Variants in PMP22 observed in about 807,000 individuals in gnomAD.
PMP22 encodes peripheral myelin protein 22.
A neutral mutation model predicts 18.9 loss-of-function variants in PMP22; 2 were observed. The ratio of observed to expected loss-of-function variants is 0.11; its 90% confidence interval spans 0.04 to 0.33. The LOEUF (loss-of-function observed/expected upper bound fraction) is 0.33, where lower values mean the gene tolerates loss of function less well. Among genes scored for constraint, PMP22 ranks in the 10% least tolerant of loss-of-function variants. The pLI is 1.00. For synonymous variants in PMP22, 95 were observed against 89.2 expected, an observed-to-expected ratio of 1.07 and a Z score of -0.37; for missense variants, 169 against 202.2, an observed-to-expected ratio of 0.84 and a Z score of 1.00.
chr17:15,241,138 A>G (rs1399707057), intron 3 of PMP22, among the ~76,000 whole-genome samples: 1 of 152,016 alleles, frequency 6.6e-6, no homozygotes, highest in East Asian at 1.9e-4. Flanking sequence ...CTAGTCTAGC[A>G]CTCTTCACAT....
intron 3 of PMP22, among the ~76,000 whole-genome samples, chr17:15,248,897 T>C (rs1343928780): frequency 6.6e-6 from 1 of 152,184 alleles, no homozygotes; most frequent in African/African-American, 2.4e-5. Context: ...AGTTTGGCCA[T>C]AGAAAATGAC....
rs59075019 is a variant in PMP22, at chr17:15,242,251, C to CAAAA, written c.179-2644_179-2641dup. On this transcript the variant is annotated intron_variant, in intron 3 of 4. Coordinates refer to ENST00000312280, the MANE Select transcript of PMP22 (RefSeq NM_000304.4). ...CTGGGCACAGAGAGAGACTCTGTCT[C>CAAAA]AAAAAAAAAAAAAAAAAAAAAAAAG... is the stretch of plus-strand genomic sequence containing the variant. 2.2e-3 allele frequency among the ~76,000 whole-genome samples: 122 copies of CAAAA among 54,714 alleles called. 1 individual carries two copies. Among genetic ancestry groups the CAAAA allele is most frequent in the African/African-American group, 4.2e-3 (63 of 14,958 alleles). 35.9% of individuals were successfully genotyped at this position (54,714 alleles called of 152,430 possible).
intron 4 of PMP22, among the ~76,000 whole-genome samples, chr17:15,236,952 C>T (rs1391918347): frequency 1.3e-5 from 2 of 152,178 alleles, no homozygotes; most frequent in Non-Finnish European, 2.9e-5. Context: ...ATTACAACTG[C>T]TATTACAGCT....
At chr17:15,247,237 C>T (rs991755000) in intron 3 of PMP22, among the ~76,000 whole-genome samples, 63 of 151,896 alleles carry the variant, frequency 4.1e-4, no homozygotes, top group Non-Finnish European at 5.9e-4. Flanking sequence ...GGCGTGGTGG[C>T]GGGCACCTGT....
Position 15,239,512 on chromosome 17 carries a change from C to G in PMP22, c.278G>C (p.Gly93Ala), listed in dbSNP as rs757021177. 8 of 1,614,032 alleles carry G rather than the reference C, an allele frequency of 5.0e-6. No homozygotes were observed. The highest frequency in any genetic ancestry group is 5.9e-6 in the Non-Finnish European group (7 of 1,180,006). The change falls in exon 4 of 5, where the codon GGG becomes GCG. Residue 93 changes from glycine (G) to alanine (A), a missense_variant. Coordinates refer to ENST00000312280, the MANE Select transcript of PMP22 (RefSeq NM_000304.4). ...FFCQLFTLTK[G>A]GRFYITGIFQ... ...GATTCCAGTGATGTAAAACCTGCCCCCCTTGGTGAGGGTGAAGAGTTGGCA... is the reference window on the plus strand; with the variant it reads ...GATTCCAGTGATGTAAAACCTGCCCGCCTTGGTGAGGGTGAAGAGTTGGCA...
intron 3 of PMP22, among the ~76,000 whole-genome samples, chr17:15,246,373 C>T (rs2150687603): frequency 6.6e-6 from 1 of 152,312 alleles, no homozygotes; most frequent in South Asian, 2.1e-4. Context: ...ATCTTATTTA[C>T]AAAAGCAGGT....
At chr17:15,254,130 C>T (rs1908604585) in intron 3 of PMP22, among the ~76,000 whole-genome samples, 2 of 152,168 alleles carry the variant, frequency 1.3e-5, no homozygotes, top group African/African-American at 4.8e-5. Context: ...AGGAGTGGAT[C>T]ATTCAGGTAG....
chr17:15,256,902 C>T lies in PMP22; in HGVS notation c.178+2192G>A, dbSNP rs118148563. Among the ~76,000 whole-genome samples the T allele has an allele frequency of 8.4e-3, 1,275 of 152,230 alleles. 94 individuals carry two copies. In the East Asian group the frequency reaches 0.16, roughly 19 times the overall value. ...AGTGCTGCCACGTTGGGGAAGATAGCGGCAGAGATAACCACTACTGGGGAA... is the reference window on the plus strand; with the variant it reads ...AGTGCTGCCACGTTGGGGAAGATAGTGGCAGAGATAACCACTACTGGGGAA... On this transcript the variant is annotated intron_variant, in intron 3 of 4. Coordinates refer to ENST00000312280, the MANE Select transcript of PMP22 (RefSeq NM_000304.4).
chr17:15,239,486 A>G lies in PMP22; in HGVS notation c.304T>C (p.Phe102Leu). The change falls in exon 4 of 5, where the codon TTC (phenylalanine) becomes CTC (leucine). Residue 102 changes from phenylalanine to leucine, a missense_variant. Coordinates refer to ENST00000312280, the MANE Select transcript of PMP22 (RefSeq NM_000304.4). ...CACAACTTACCAGCAAGAATTTGGA[A>G]GATTCCAGTGATGTAAAACCTGCCC... is the stretch of plus-strand genomic sequence containing the variant. ...KGGRFYITGI[F>L]QILAGLCVMS... 6.2e-7 allele frequency: 1 copy of G among 1,614,228 alleles called. No individual in the cohort carries two copies. Among genetic ancestry groups the G allele is most frequent in the Non-Finnish European group, 8.5e-7 (1 of 1,180,036 alleles).
intron 2 of PMP22, 134 bp from the exon 3 acceptor site, chr17:15,259,327 G>A (rs989083450): frequency 6.9e-6 from 5 of 728,452 alleles, no homozygotes; most frequent in Non-Finnish European, 7.4e-6. Flanking sequence ...TGCATGGTAA[G>A]AGCCAACGTT....
chr17:15,237,769 A>G (rs536528189), intron 4 of PMP22, among the ~76,000 whole-genome samples: 1 of 152,334 alleles, frequency 6.6e-6, no homozygotes, highest in African/African-American at 2.4e-5. Flanking sequence ...GTACAAATAA[A>G]ATGTAATTTT....
intron 4 of PMP22, among the ~76,000 whole-genome samples, chr17:15,239,180 T>C (rs550341159): frequency 6.6e-6 from 1 of 152,340 alleles, no homozygotes; most frequent in East Asian, 1.9e-4. Context: ...TGCAGTTTCA[T>C]TCCTGTTGAT....
At chr17:15,236,265 A>G (rs140265906) in intron 4 of PMP22, among the ~76,000 whole-genome samples, 68 of 152,222 alleles carry the variant, frequency 4.5e-4, no homozygotes, top group Middle Eastern at 3.4e-3. Context: ...ACCCCACACA[A>G]CACACAGAGC....
At chr17:15,262,504 C>A (rs894919138) in intron 1 of PMP22, 3 of 152,248 alleles carry the variant, frequency 2.0e-5, no homozygotes, top group Non-Finnish European at 4.4e-5. Context: ...CCGCTGCTGG[C>A]GCCGCCAAAG....
intron 3 of PMP22, among the ~76,000 whole-genome samples, chr17:15,247,165 T>C (rs187214106): frequency 0.026 from 3,330 of 130,138 alleles, 72 homozygotes; most frequent in Non-Finnish European, 0.036. Flanking sequence ...GTCAGGAGAT[T>C]GAGACCATCC....
In PMP22 at chr17:15,258,465, A is replaced by G. The variant is rs1470193782; in HGVS notation, c.178+629T>C. On this transcript the variant is annotated intron_variant, in intron 3 of 4. Transcript: ENST00000312280. This position sits in a 1 kb window ranked among gnomAD's most constrained non-coding sequence, Gnocchi z 4.1. Reference sequence around the variant, plus strand: ...AGCCTGGCTTCCATATCTCACAAGCAAAGATGCTGAGGACAGAGGAGAAAT... The same window carrying G: ...AGCCTGGCTTCCATATCTCACAAGCGAAGATGCTGAGGACAGAGGAGAAAT... 6.6e-6 allele frequency among the ~76,000 whole-genome samples: 1 copy of G among 152,116 alleles called. No homozygotes were observed. Among genetic ancestry groups the G allele is most frequent in the African/African-American group, 2.4e-5 (1 of 41,420 alleles).
intron 4 of PMP22, among the ~76,000 whole-genome samples, chr17:15,233,561 G>A (rs1236590902): frequency 6.6e-6 from 1 of 152,214 alleles, no homozygotes; most frequent in Non-Finnish European, 1.5e-5. Context: ...AGGGGCCAAG[G>A]TCAAAGGAAG....
chr17:15,252,493 G>A (rs377186622), intron 3 of PMP22, among the ~76,000 whole-genome samples: 14 of 152,254 alleles, frequency 9.2e-5, no homozygotes, highest in South Asian at 8.3e-4. Context: ...TGCTGGTCCC[G>A]CCCACACACT....
chr17:15,259,999 A>G (rs1446881967), intron 2 of PMP22, among the ~76,000 whole-genome samples: 1 of 152,056 alleles, frequency 6.6e-6, no homozygotes, highest in Admixed American at 6.6e-5. Context: ...CATGCTTACA[A>G]TGTGCCTTAA....
Sources: allele counts gnomAD v4.1 joint callset (sites outside exome capture counted in the v4.1 genomes callset), GRCh38; gene constraint gnomAD v4.1.1; non-coding constraint Gnocchi (gnomAD v3.1); transcripts MANE v1.5; gene names NCBI Gene and HGNC (gene_info 2026-07-23, HGNC 2026-07-21).